The following ZNF624 variants were observed in gnomAD, a reference collection of about 807,000 sequenced individuals.
ZNF624 encodes the protein zinc finger protein 624.
ZNF624 carries 43 observed loss-of-function variants against 74.7 expected under a neutral mutation model. The observed-to-expected ratio is 0.58, with a 90% CI of 0.45 to 0.74. The LOEUF (loss-of-function observed/expected upper bound fraction) is 0.74, where lower values mean the gene tolerates loss of function less well. ZNF624 is among the 30% of genes least tolerant of loss of function. The pLI is 0.00. For synonymous variants in ZNF624, 331 were observed against 341.3 expected, an observed-to-expected ratio of 0.97 and a Z score of 0.33; for missense variants, 820 against 1,030.0, an observed-to-expected ratio of 0.80 and a Z score of 2.79.
intron 5 of ZNF624, among the ~76,000 whole-genome samples, chr17:16,629,197 C>CAA (rs34250278): frequency 1.7e-3 from 103 of 59,250 alleles, no homozygotes; most frequent in African/African-American, 2.4e-3. Context: ...GACTCCATCT[C>CAA]AAAAAAAAAA....
chr17:16,647,569 CTTTG>C (rs1385277869), intron 2 of ZNF624, among the ~76,000 whole-genome samples, 175 bp from the exon 3 acceptor site: 3 of 152,008 alleles, frequency 2.0e-5, no homozygotes, highest in Non-Finnish European at 4.4e-5. Flanking sequence ...TAATCTTTCA[CTTTG>C]TTTGGGACAA....
intron 1 of ZNF624, chr17:16,653,510 G>A (rs1909779095): frequency 6.6e-6 from 1 of 152,356 alleles, no homozygotes; most frequent in Non-Finnish European, 1.5e-5. Flanking sequence ...GGCCCGCAGG[G>A]AGGGGGTTCC....
At chr17:16,643,028 C>A (rs1331004698) in intron 3 of ZNF624, among the ~76,000 whole-genome samples, 1 of 152,154 alleles carries the variant, frequency 6.6e-6, no homozygotes, top group Non-Finnish European at 1.5e-5. Flanking sequence ...CAATATCAAG[C>A]GTTGTTGAAG....
chr17:16,652,152 T>A (rs182037755), intron 1 of ZNF624, among the ~76,000 whole-genome samples: 1 of 151,968 alleles, frequency 6.6e-6, no homozygotes, highest in Non-Finnish European at 1.5e-5. Flanking sequence ...TCTTAATTTT[T>A]GGGGGGGTAC....
At chr17:16,652,582 GAATA>G (rs1222227921) in intron 1 of ZNF624, among the ~76,000 whole-genome samples, 1 of 152,046 alleles carries the variant, frequency 6.6e-6, no homozygotes, top group Non-Finnish European at 1.5e-5. Flanking sequence ...TTTATAATTA[GAATA>G]AACAATATTT....
intron 5 of ZNF624, among the ~76,000 whole-genome samples, chr17:16,632,644 T>C (rs1233644847): frequency 6.6e-6 from 1 of 152,236 alleles, no homozygotes; most frequent in Admixed American, 6.5e-5. Flanking sequence ...CCAGAATCTA[T>C]TTCTTTCCAT....
At chr17:16,614,548 A>G in the ZNF624 span, among the ~76,000 whole-genome samples, 1 of 152,188 alleles carries the variant, frequency 6.6e-6, no homozygotes, top group Non-Finnish European at 1.5e-5. Context: ...AAATTTTCCC[A>G]GGTGCTACTC....
At chr17:16,618,059 T>C (rs764699598), downstream of ZNF624, among the ~76,000 whole-genome samples, 1 of 152,030 alleles carries the variant, frequency 6.6e-6, no homozygotes, top group African/African-American at 2.4e-5. Context: ...GTTGCAAAAA[T>C]ATAAGAATTG....
rs1452890588 is a variant in ZNF624, at chr17:16,623,633, C to G, written c.1253G>C (p.Cys418Ser). 1.1e-5 allele frequency: 18 copies of G among 1,610,844 alleles called. No homozygotes were observed. Among genetic ancestry groups the G allele is most frequent in the Non-Finnish European group, 1.4e-5 (16 of 1,179,004 alleles). ...ETHNGEKPYK[C>S]DDCGKAFRNK... ...CCTAAAGGCTTTCCCACAATCATCA[C>G]ATTTGTAGGGTTTCTCACCATTGTG... is the stretch of plus-strand genomic sequence containing the variant. Residue 418 changes from cysteine (C) to serine (S), a missense_variant, in exon 6 of 6, where the codon TGT becomes TCT. Physicochemically the swap from Cys to Ser is moderately radical, Grantham distance 112 (BLOSUM62 -1). Transcript: ENST00000311331. The surrounding 1 kb of genome is among the most constrained non-coding windows in gnomAD (Gnocchi z 5.3).
At chr17:16,632,479 G>GA (rs77353510) in intron 5 of ZNF624, among the ~76,000 whole-genome samples, 37 of 151,576 alleles carry the variant, frequency 2.4e-4, no homozygotes, top group South Asian at 8.3e-4. Flanking sequence ...CTTCGTAGGG[G>GA]AAAAAAAATC....
intron 5 of ZNF624, among the ~76,000 whole-genome samples, chr17:16,630,006 C>T (rs1174148578): frequency 6.6e-6 from 1 of 152,156 alleles, no homozygotes; most frequent in Non-Finnish European, 1.5e-5. Context: ...CTATGGATTC[C>T]TTGGTGCTAC....
At chr17:16,629,436 G>C (rs1285289652) in intron 5 of ZNF624, among the ~76,000 whole-genome samples, 1 of 151,942 alleles carries the variant, frequency 6.6e-6, no homozygotes, top group African/African-American at 2.4e-5. Flanking sequence ...GCCAAAGACA[G>C]ATAGATGTCC....
intron 5 of ZNF624, among the ~76,000 whole-genome samples, chr17:16,624,996 C>G (rs1909034805): frequency 6.8e-6 from 1 of 146,228 alleles, no homozygotes; most frequent in Admixed American, 6.8e-5. Flanking sequence ...AAGATTGTGC[C>G]ACTGCATTCT....
downstream of ZNF624, among the ~76,000 whole-genome samples, chr17:16,615,952 T>TATAC (rs1469550359): frequency 3.7e-3 from 371 of 100,536 alleles, 3 homozygotes; most frequent in South Asian, 0.014. Flanking sequence ...ATCTATTCCA[T>TATAC]ATACATATAT....
chr17:16,643,794 C>T (rs763094727), intron 3 of ZNF624, among the ~76,000 whole-genome samples: 1 of 152,090 alleles, frequency 6.6e-6, no homozygotes, highest in Admixed American at 6.5e-5. Context: ...GTGTGAAGAA[C>T]GAATGAAAAA....
Position 16,647,337 on chromosome 17 carries a change from A to G in ZNF624, c.145T>C (p.Leu49=), listed in dbSNP as rs1412979943. ...ACAACAGTAGGTATTACCTTTACCA[A>G]TTGTGTTTCTTCTGCCTGAAGGTGA... ...DLHLQAEETQ[L]VKESVTFKDV... is the part of the protein sequence containing the mutation. Residue 49 remains leucine (L), a synonymous_variant, in exon 3 of 6, where the codon TTG becomes CTG. Coordinates refer to ENST00000311331, the MANE Select transcript of ZNF624 (RefSeq NM_020787.4). 3 of 1,613,806 alleles carry G rather than the reference A, an allele frequency of 1.9e-6. No individual in the cohort carries two copies. The highest frequency in any genetic ancestry group is 2.7e-5 in the African/African-American group (2 of 74,924).
At chr17:16,645,872 T>C (rs974971566) in intron 3 of ZNF624, among the ~76,000 whole-genome samples, 1 of 137,966 alleles carries the variant, frequency 7.2e-6, no homozygotes, top group African/African-American at 2.7e-5. Context: ...GAATCGCTTG[T>C]ACCCGGGAGG....
Position 16,623,963 on chromosome 17 carries a change from T to C in ZNF624, c.923A>G (p.Glu308Gly), listed in dbSNP as rs767598102. The change falls in exon 6 of 6, where the codon GAA becomes GGA. Residue 308 changes from glutamate to glycine, a missense_variant. Transcript: ENST00000311331. The surrounding 1 kb of genome is among the most constrained non-coding windows in gnomAD (Gnocchi z 5.3). ...HTKEKPYECN[E>G]CGKTFSQPSY... Reference sequence around the variant, plus strand: ...AGGCTGGCTGAATGTTTTCCCACATTCATTACATTCATAAGGTTTTTCTTT... The same window carrying C: ...AGGCTGGCTGAATGTTTTCCCACATCCATTACATTCATAAGGTTTTTCTTT... 15 of 1,613,876 alleles carry C rather than the reference T, an allele frequency of 9.3e-6. No individual in the cohort carries two copies.
intron 3 of ZNF624, among the ~76,000 whole-genome samples, chr17:16,638,794 C>T (rs1597496121): frequency 6.6e-6 from 1 of 152,150 alleles, no homozygotes; most frequent in Admixed American, 6.5e-5. Flanking sequence ...CAACATGGCA[C>T]ATGTATACAT....
Sources: gnomAD v4.1 joint callset for allele counts (sites outside exome capture counted in the v4.1 genomes callset) on GRCh38, gnomAD v4.1.1 for gene constraint, Gnocchi (gnomAD v3.1) non-coding constraint, MANE v1.5 for transcripts, NCBI Gene and HGNC (gene_info 2026-07-23, HGNC 2026-07-21) for gene names.